The following SDK1 variants were observed in gnomAD, a reference collection of about 807,000 sequenced individuals.
SDK1 encodes sidekick cell adhesion molecule 1.
Under a neutral mutation model 245.5 loss-of-function variants are expected in SDK1, and 157 were observed. The observed-to-expected ratio is 0.64, with a 90% CI of 0.56 to 0.73. The LOEUF (loss-of-function observed/expected upper bound fraction) is 0.73. Ranked by LOEUF, SDK1 falls within the 30% of genes least tolerant of loss-of-function variation. The probability of loss-of-function intolerance (pLI) is 0.00; values close to 1 mark genes in which losing one functional copy is unlikely to be tolerated. For missense variants in SDK1, 3,583 were observed against 3,002.3 expected (o/e 1.19, Z -4.52); for synonymous variants, 1,647 against 1,278.5 (o/e 1.29, Z -6.15).
chr7:4,113,214 A>C, intron 23 of SDK1, 75 bp from the exon 24 acceptor site: 9 of 1,479,764 alleles, frequency 6.1e-6, no homozygotes, highest in Non-Finnish European at 8.3e-6. Context: ...AGAAACAGTC[A>C]GCGCCTTTGT....
intron 1 of SDK1, among the ~76,000 whole-genome samples, chr7:3,403,824 CATATATATATATATAT>C (rs10650660): frequency 0.11 from 6,777 of 60,666 alleles, 384 homozygotes; most frequent in East Asian, 0.18. Flanking sequence ...AAATATCTTA[CATATATATATATATAT>C]ATATATATAT....
At chr7:3,679,965 G>A (rs1319985850) in intron 4 of SDK1, among the ~76,000 whole-genome samples, 1 of 152,032 alleles carries the variant, frequency 6.6e-6, no homozygotes, top group Non-Finnish European at 1.5e-5. Flanking sequence ...AATGTTCACA[G>A]AGGCTTTATT....
intron 35 of SDK1, among the ~76,000 whole-genome samples, chr7:4,190,638 G>T (rs1368413692): frequency 6.6e-6 from 1 of 152,238 alleles, no homozygotes; most frequent in African/African-American, 2.4e-5. Flanking sequence ...GCTGCACCCG[G>T]CCCACAGCAG....
At chr7:3,925,545 G>A (rs1360991251) in intron 5 of SDK1, among the ~76,000 whole-genome samples, 1 of 152,196 alleles carries the variant, frequency 6.6e-6, no homozygotes, top group East Asian at 1.9e-4. Flanking sequence ...ATGAACGCAT[G>A]CAGGATGCTT....
At chr7:3,884,152 C>G (rs1000525310) in intron 5 of SDK1, among the ~76,000 whole-genome samples, 1 of 151,144 alleles carries the variant, frequency 6.6e-6, no homozygotes, top group Non-Finnish European at 1.5e-5. Context: ...AGAATCATAG[C>G]TCGCTGCAGC....
chr7:3,974,199 AAG>A (rs1554294759), intron 12 of SDK1, among the ~76,000 whole-genome samples, 168 bp from the exon 13 acceptor site: 9 of 145,630 alleles, frequency 6.2e-5, no homozygotes, highest in Middle Eastern at 3.5e-3. Context: ...AAAAAAAAAA[AAG>A]AAAGAAAGAA....
intron 5 of SDK1, among the ~76,000 whole-genome samples, chr7:3,845,047 C>T (rs969031748): frequency 1.3e-4 from 20 of 152,136 alleles, no homozygotes; most frequent in South Asian, 2.1e-4. Context: ...AGCAGAGAGG[C>T]AAAGTGGGTC....
chr7:3,564,224 GAAT>G (rs1179036571), intron 1 of SDK1, among the ~76,000 whole-genome samples: 4 of 152,078 alleles, frequency 2.6e-5, no homozygotes, highest in African/African-American at 7.2e-5. Flanking sequence ...ATGAAATACA[GAAT>G]AATAATAATA....
chr7:3,784,152 C>T (rs537678276), intron 4 of SDK1, among the ~76,000 whole-genome samples: 9 of 151,290 alleles, frequency 5.9e-5, no homozygotes, highest in Non-Finnish European at 1.3e-4. Flanking sequence ...AACTCCTGGC[C>T]TGAAATGACT....
At chr7:4,217,768 G>C (rs1489396418) in intron 38 of SDK1, among the ~76,000 whole-genome samples, 1 of 152,188 alleles carries the variant, frequency 6.6e-6, no homozygotes, top group African/African-American at 2.4e-5. Flanking sequence ...AGGCTTTGTA[G>C]TGCTGGGCAT....
chr7:3,572,264 T>A (rs1780140496), intron 1 of SDK1, among the ~76,000 whole-genome samples: 1 of 152,080 alleles, frequency 6.6e-6, no homozygotes, highest in African/African-American at 2.4e-5. Context: ...TTAGTTTGTT[T>A]AATGGAATGT....
intron 30 of SDK1, 51 bp from the exon 31 acceptor site, chr7:4,158,397 G>T (rs1281635007): frequency 5.5e-6 from 8 of 1,445,462 alleles, no homozygotes; most frequent in Non-Finnish European, 6.8e-6. Flanking sequence ...ATGCCTGAGG[G>T]CAGGACAGGG....
At chr7:3,482,661 A>G (rs957382515) in intron 1 of SDK1, among the ~76,000 whole-genome samples, 1 of 152,064 alleles carries the variant, frequency 6.6e-6, no homozygotes, top group African/African-American at 2.4e-5. Flanking sequence ...GTCCAAAACA[A>G]CCTCCAGCAA....
rs545182728 is a variant in SDK1 at position 3,806,099 on chromosome 7, A to G, written c.714-15351A>G. On this transcript the variant is annotated intron_variant, in intron 4 of 44. Coordinates refer to ENST00000404826, the MANE Select transcript of SDK1 (RefSeq NM_152744.4). ...ATGCTTGGCTTGTAGCCCTCCCACC[A>G]TCTTCAAAGTCAGCAGCGTAAACTT... 2.9e-3 allele frequency among the ~76,000 whole-genome samples: 449 copies of G among 152,274 alleles called. 3 individuals are homozygous for G. Among genetic ancestry groups the G allele is most frequent in the African/African-American group, 0.011 (437 of 41,564 alleles).
intron 5 of SDK1, among the ~76,000 whole-genome samples, chr7:3,925,448 G>A (rs971447432): frequency 6.6e-5 from 10 of 152,210 alleles, no homozygotes; most frequent in Middle Eastern, 6.3e-3. Flanking sequence ...AAGCGACGGC[G>A]TTTCTACCCT....
intron 5 of SDK1, among the ~76,000 whole-genome samples, chr7:3,943,078 G>C (rs561767762): frequency 2.7e-4 from 41 of 152,254 alleles, no homozygotes; most frequent in African/African-American, 8.4e-4. Flanking sequence ...GGAGCACTCG[G>C]CTGTGAATCC....
At chr7:3,703,836 T>G (rs1164278993) in intron 4 of SDK1, among the ~76,000 whole-genome samples, 2 of 152,252 alleles carry the variant, frequency 1.3e-5, no homozygotes, top group Non-Finnish European at 2.9e-5. Flanking sequence ...TTTATTGTGT[T>G]TTTGTTTTGT....
chr7:4,168,271 C>G (rs1218772017), intron 32 of SDK1, among the ~76,000 whole-genome samples: 1 of 152,258 alleles, frequency 6.6e-6, no homozygotes, highest in Admixed American at 6.5e-5. Context: ...TGCATTTTGA[C>G]TCTTCAGTGA....
intron 1 of SDK1, among the ~76,000 whole-genome samples, chr7:3,598,560 T>C (rs144756339): frequency 6.6e-6 from 1 of 152,320 alleles, no homozygotes; most frequent in Non-Finnish European, 1.5e-5. Context: ...GACCAGAATA[T>C]TTCTGTCAGC....
Sources: allele counts gnomAD v4.1 joint callset (sites outside exome capture counted in the v4.1 genomes callset), GRCh38; gene constraint gnomAD v4.1.1; transcripts MANE v1.5; gene names NCBI Gene and HGNC (gene_info 2026-07-23, HGNC 2026-07-21).